NSDHL: variants seen among roughly 807,000 people sequenced by gnomAD.
The protein encoded by NSDHL is sterol-4-alpha-carboxylate 3-dehydrogenase, decarboxylating.
In NSDHL, 1 loss-of-function variant was observed where a neutral mutation model predicts 23.0. The observed-to-expected ratio is 0.04, with a 90% CI of 0.02 to 0.21. The LOEUF (loss-of-function observed/expected upper bound fraction) is 0.21. NSDHL is among the 10% of genes least tolerant of loss of function. The probability of loss-of-function intolerance (pLI) is 1.00; values close to 1 mark genes in which losing one functional copy is unlikely to be tolerated. For synonymous variants in NSDHL, 128 were observed against 121.1 expected (o/e 1.06, Z -0.37); for missense variants, 237 against 300.9 (o/e 0.79, Z 1.57).
At position 152,846,304 on chromosome X, in the gene NSDHL, G is replaced by A. The variant is rs1933272639; in HGVS notation, c.-21G>A. 1 of 1,116,325 alleles carries A rather than the reference G, an allele frequency of 9.0e-7. No homozygotes were observed. The highest frequency in any genetic ancestry group is 1.2e-6 in the Non-Finnish European group (1 of 808,091). The allele number at this position is 1,116,325 out of a possible 1,213,427, so 92.0% of individuals were successfully genotyped here. A position where few individuals can be genotyped will look rare whatever the true frequency, so the allele number is the denominator to read the frequency against. On this transcript the variant is annotated 5_prime_UTR_variant, in exon 2 of 8. Transcript: ENST00000370274. ...AAGAAAAGAAAAGTTGATTACAAAC[G>A]GGACCATATTTTGCTTCGAAATGGA...
intron 1 of NSDHL, among the ~76,000 whole-genome samples, chrX:152,844,416 T>C (rs1170018403): frequency 6.2e-5 from 7 of 112,120 alleles, no homozygotes; most frequent in Admixed American, 4.7e-4. Flanking sequence ...GGGGTGGGCT[T>C]GCTTAGCCCG....
At chrX:152,851,237 G>C in intron 3 of NSDHL, among the ~76,000 whole-genome samples, 1 of 112,263 alleles carries the variant, frequency 8.9e-6, no homozygotes, top group Admixed American at 9.4e-5. Context: ...TTTTGGTGTT[G>C]CCATTCTGAG....
intron 4 of NSDHL, among the ~76,000 whole-genome samples, chrX:152,860,611 C>T (rs1399727855): frequency 1.8e-5 from 2 of 110,956 alleles, no homozygotes; most frequent in Non-Finnish European, 3.8e-5. Context: ...TGTTTCGGGA[C>T]GCTGAGGCAG....
At chrX:152,851,969 T>C (rs1412204645) in intron 3 of NSDHL, among the ~76,000 whole-genome samples, 2 of 111,064 alleles carry the variant, frequency 1.8e-5, no homozygotes, top group African/African-American at 6.6e-5. Flanking sequence ...GCAGGCATTC[T>C]ACTCTGAGCA....
At chrX:152,839,757 G>A (rs1211748481) in intron 1 of NSDHL, among the ~76,000 whole-genome samples, 2 of 112,205 alleles carry the variant, frequency 1.8e-5, no homozygotes, top group Non-Finnish European at 3.8e-5. Context: ...CAACTTTGGT[G>A]AATCTGACAA....
intron 1 of NSDHL, among the ~76,000 whole-genome samples, chrX:152,838,426 G>A (rs1482375083): frequency 1.8e-5 from 2 of 111,721 alleles, no homozygotes; most frequent in Non-Finnish European, 3.8e-5. Context: ...GCTTTCTCTT[G>A]TGGGCATTTA....
intron 2 of NSDHL, among the ~76,000 whole-genome samples, chrX:152,848,958 G>A (rs782388543): frequency 1.8e-5 from 2 of 112,619 alleles, no homozygotes; most frequent in African/African-American, 6.4e-5. Context: ...TCAGAATAAA[G>A]CCTAGAAAAG....
intron 1 of NSDHL, among the ~76,000 whole-genome samples, chrX:152,831,428 C>A (rs1933012198): frequency 9.1e-6 from 1 of 110,460 alleles, no homozygotes; most frequent in South Asian, 3.9e-4. Context: ...CCTTCGAGAG[C>A]ACCCCTAGAC....
intron 1 of NSDHL, among the ~76,000 whole-genome samples, chrX:152,842,894 A>G (rs1556845078): frequency 2.7e-5 from 3 of 111,926 alleles, no homozygotes; most frequent in Non-Finnish European, 5.6e-5. Context: ...CTCAATGTAC[A>G]TTTTAACCCA....
intron 3 of NSDHL, among the ~76,000 whole-genome samples, chrX:152,855,300 G>A (rs781801755): frequency 9.9e-5 from 11 of 111,474 alleles, no homozygotes; most frequent in Non-Finnish European, 1.3e-4. Context: ...CACCGCGCCC[G>A]GCCCATGACA....
chrX:152,835,030 C>T (rs1933070297), intron 1 of NSDHL, among the ~76,000 whole-genome samples: 1 of 111,970 alleles, frequency 8.9e-6, no homozygotes, highest in African/African-American at 3.2e-5. Context: ...CATCTCTCTC[C>T]CTAGTTTGAG....
chrX:152,849,469 T>G (rs1486182572), intron 2 of NSDHL, among the ~76,000 whole-genome samples: 1 of 112,205 alleles, frequency 8.9e-6, no homozygotes, highest in Admixed American at 9.4e-5. Context: ...TGAGGGTATT[T>G]AAGTGCCTGC....
chrX:152,835,207 C>G (rs977487335), intron 1 of NSDHL, among the ~76,000 whole-genome samples: 1 of 110,287 alleles, frequency 9.1e-6, no homozygotes, highest in Non-Finnish European at 1.9e-5. Context: ...TAGGAGCAAA[C>G]GTAAGGCCTC....
intron 1 of NSDHL, among the ~76,000 whole-genome samples, chrX:152,842,219 G>A (rs183161757): frequency 2.6e-4 from 29 of 111,878 alleles, no homozygotes; most frequent in Non-Finnish European, 1.9e-5. Context: ...GTTTTTGGGG[G>A]TATATGCCCA....
In NSDHL at chrX:152,850,122, T is replaced by C. The variant is rs1333461189; in HGVS notation, c.109-143T>C. The C allele has an allele frequency of 4.9e-6, 3 of 606,157 alleles. No homozygotes were observed. In the African/African-American group the frequency reaches 6.6e-5, roughly 13 times the overall value. 50.0% of individuals were successfully genotyped at this position (606,157 alleles called of 1,213,427 possible). On this transcript the variant is annotated intron_variant, in intron 2 of 7. Coordinates refer to ENST00000370274, the MANE Select transcript of NSDHL (RefSeq NM_015922.3). ...CTAGTGATGGAACACCAGGATGATA[T>C]AAAGCTTCCAACTTGGCTCAAGAAG...
At chrX:152,859,411 A>G (rs1933493598) in intron 4 of NSDHL, among the ~76,000 whole-genome samples, 1 of 111,070 alleles carries the variant, frequency 9.0e-6, no homozygotes, top group Non-Finnish European at 1.9e-5. Context: ...CCTGGCAACT[A>G]CCCTTCTACT....
intron 1 of NSDHL, among the ~76,000 whole-genome samples, chrX:152,845,953 G>A (rs1467192395): frequency 8.9e-6 from 1 of 112,860 alleles, no homozygotes; most frequent in Non-Finnish European, 1.9e-5. Flanking sequence ...TGACTGAAGC[G>A]TGGGAGAGCC....
chrX:152,867,459 G>A (rs1283206168), intron 6 of NSDHL, 112 bp from the exon 7 acceptor site: 1 of 587,241 alleles, frequency 1.7e-6, no homozygotes, highest in African/African-American at 2.2e-5. Context: ...GCCAAGTGAG[G>A]TGGCAGCCAT....
intron 5 of NSDHL, among the ~76,000 whole-genome samples, chrX:152,864,595 G>C (rs1933578451): frequency 8.9e-6 from 1 of 112,187 alleles, no homozygotes. Context: ...GATGACTCCA[G>C]CAGTAACTCA....
Sources: allele counts gnomAD v4.1 joint callset (sites outside exome capture counted in the v4.1 genomes callset), GRCh38; gene constraint gnomAD v4.1.1; transcripts MANE v1.5; gene names NCBI Gene and HGNC (gene_info 2026-07-23, HGNC 2026-07-21).